SLC12A7: variants seen among roughly 807,000 people sequenced by gnomAD.
The protein encoded by SLC12A7 is K-Cl cotransporter 4.
A neutral mutation model predicts 120.6 loss-of-function variants in SLC12A7; 100 were observed. The ratio of observed to expected loss-of-function variants is 0.83; its 90% CI spans 0.71 to 0.98. The LOEUF is 0.98. SLC12A7 is among the 50% of genes least tolerant of loss of function. SLC12A7 has a pLI of 0.00. For synonymous variants in SLC12A7, 760 were observed against 678.0 expected, an observed-to-expected ratio of 1.12 and a Z score of -1.88; for missense variants, 1,373 against 1,548.1, an observed-to-expected ratio of 0.89 and a Z score of 1.90.
rs140823055 is a variant in SLC12A7 at position 1,081,840 on chromosome 5, C to T, written c.1130-96G>A. On this transcript the variant is annotated intron_variant, in intron 8 of 23. Transcript: ENST00000264930. ...CTCCCCGGCAGGTGCCACTGGTGGC[C>T]GGAGGGGAAGGGTCACAGCTTGTGC... 2.2e-3 allele frequency: 3,129 copies of T among 1,448,852 alleles called. 37 individuals are homozygous for T. The African/African-American group carries it at 0.032, about 15-fold the overall frequency. The allele number at this position is 1,448,852 out of a possible 1,614,324, so 89.7% of individuals were successfully genotyped here.
the SLC12A7 span, among the ~76,000 whole-genome samples, chr5:1,120,368 G>T: frequency 1.3e-5 from 2 of 152,244 alleles, no homozygotes; most frequent in African/African-American, 4.8e-5. Flanking sequence ...AGGAAACGCT[G>T]AACCCGGAGG....
At chr5:1,090,519 C>A (rs768599535) in intron 3 of SLC12A7, among the ~76,000 whole-genome samples, 1 of 152,112 alleles carries the variant, frequency 6.6e-6, no homozygotes, top group African/African-American at 2.4e-5. Context: ...GAAGCGGTGG[C>A]GGATGGTGGA....
intron 9 of SLC12A7, among the ~76,000 whole-genome samples, chr5:1,080,509 T>G (rs1033462323): frequency 6.6e-6 from 1 of 152,144 alleles, no homozygotes; most frequent in Non-Finnish European, 1.5e-5. Context: ...GCTCCAGGGC[T>G]TTCGGATGTG....
At chr5:1,146,952 C>T in the SLC12A7 span, among the ~76,000 whole-genome samples, 3 of 152,166 alleles carry the variant, frequency 2.0e-5, no homozygotes, top group South Asian at 2.1e-4. This position sits in a 1 kb window ranked among gnomAD's most constrained non-coding sequence, Gnocchi z 6.5. Flanking sequence ...TCCCGAGGGC[C>T]GTGTCACTGC....
chr5:1,053,538 A>G, intron 22 of SLC12A7, 56 bp from the exon 23 acceptor site: 1 of 1,593,124 alleles, frequency 6.3e-7, no homozygotes, highest in Non-Finnish European at 8.5e-7. Context: ...CGCTCCGGAC[A>G]CGAGGCTGAG....
chr5:1,132,712 G>C, the SLC12A7 span, among the ~76,000 whole-genome samples: 2 of 152,048 alleles, frequency 1.3e-5, no homozygotes, highest in Non-Finnish European at 2.9e-5. Context: ...GGCGTGCTCC[G>C]GCCCCTCCTA....
chr5:1,109,789 C>T (rs1196236030), intron 1 of SLC12A7, among the ~76,000 whole-genome samples: 1 of 152,268 alleles, frequency 6.6e-6, no homozygotes, highest in Non-Finnish European at 1.5e-5. Context: ...CCAGGCCCCC[C>T]AAACTTGCTT....
intron 20 of SLC12A7, among the ~76,000 whole-genome samples, chr5:1,062,597 C>T (rs1045057503): frequency 3.3e-5 from 5 of 149,540 alleles, no homozygotes; most frequent in East Asian, 2.0e-4. Flanking sequence ...CGGTGAGGCA[C>T]GAAGCCGTGC....
At chr5:1,115,571 G>A (rs1287207583), upstream of SLC12A7, among the ~76,000 whole-genome samples, 1 of 152,222 alleles carries the variant, frequency 6.6e-6, no homozygotes, top group African/African-American at 2.4e-5. Context: ...CTGCTGTCGG[G>A]TATCAGGCAG....
At chr5:1,122,768 T>A in the SLC12A7 span, among the ~76,000 whole-genome samples, 1 of 152,272 alleles carries the variant, frequency 6.6e-6, no homozygotes, top group Non-Finnish European at 1.5e-5. Context: ...TTTTCTCGGC[T>A]GTCGAGTGTC....
chr5:1,112,226 GC>G (rs900915333), upstream of SLC12A7, among the ~76,000 whole-genome samples: 4 of 151,910 alleles, frequency 2.6e-5, no homozygotes, highest in African/African-American at 4.8e-5. Context: ...GGGACGCGGG[GC>G]TTTCGCTGCC....
intron 18 of SLC12A7, among the ~76,000 whole-genome samples, chr5:1,064,750 G>A (rs533443971): frequency 1.3e-5 from 2 of 150,006 alleles, no homozygotes; most frequent in African/African-American, 2.5e-5. Context: ...AGGGGACGGC[G>A]AGGAGACGGT....
At chr5:1,075,535 C>A (rs759282968) in intron 14 of SLC12A7, 45 bp from the exon 15 acceptor site, 10 of 1,579,620 alleles carry the variant, frequency 6.3e-6, no homozygotes, top group Middle Eastern at 1.7e-4. Context: ...CGCCATGCAG[C>A]CCCCACACCT....
chr5:1,141,843 A>G, the SLC12A7 span, among the ~76,000 whole-genome samples: 1 of 152,188 alleles, frequency 6.6e-6, no homozygotes, highest in African/African-American at 2.4e-5. Context: ...AGATGAACAA[A>G]TTCAGAACAA....
chr5:1,117,758 C>T, the SLC12A7 span, among the ~76,000 whole-genome samples: 7 of 152,344 alleles, frequency 4.6e-5, no homozygotes, highest in East Asian at 9.7e-4. The surrounding 1 kb of genome is among the most constrained non-coding windows in gnomAD (Gnocchi z 4.5). Flanking sequence ...CTGGCTTCCT[C>T]ACCCACTAAG....
Position 1,076,126 on chromosome 5 carries a change from G to A in SLC12A7, c.1847+12C>T, listed in dbSNP as rs747971338. The A allele has an allele frequency of 6.2e-7, 1 of 1,604,510 alleles. No homozygotes were observed. On this transcript the variant is annotated intron_variant, in intron 14 of 23. Coordinates refer to ENST00000264930, the MANE Select transcript of SLC12A7 (RefSeq NM_006598.3). ...CTGTGGGGCTCCTCACGCCCGTGCT[G>A]AGTGGCCTCACCAGTGGTAGAACTT...
At chr5:1,142,957 GGGCCCCA>G in the SLC12A7 span, among the ~76,000 whole-genome samples, 1 of 149,886 alleles carries the variant, frequency 6.7e-6, no homozygotes, top group Admixed American at 6.6e-5. Context: ...ACTGGGCCCT[GGGCCCCA>G]GGCCCCGGGC....
chr5:1,092,623 G>A (rs1265850893), intron 3 of SLC12A7, among the ~76,000 whole-genome samples: 2 of 152,230 alleles, frequency 1.3e-5, no homozygotes, highest in African/African-American at 4.8e-5. Flanking sequence ...GGGGGGCACA[G>A]GCTCGGGGCT....
intron 9 of SLC12A7, 106 bp downstream of exon 9, chr5:1,081,471 G>C (rs1252359259): frequency 2.7e-5 from 33 of 1,214,382 alleles, no homozygotes; most frequent in Non-Finnish European, 2.4e-5. Flanking sequence ...GCAGTGAGCC[G>C]TGATCACACC....
Sources: allele counts gnomAD v4.1 joint callset (sites outside exome capture counted in the v4.1 genomes callset), GRCh38; gene constraint gnomAD v4.1.1; non-coding constraint Gnocchi (gnomAD v3.1); transcripts MANE v1.5; gene names NCBI Gene and HGNC (gene_info 2026-07-23, HGNC 2026-07-21).